ANKRD11: variants seen among roughly 807,000 people sequenced by gnomAD.
ANKRD11 encodes ankyrin repeat domain 11, also known as ankyrin repeat domain-containing protein 11.
In ANKRD11, 17 loss-of-function variants were observed where a neutral mutation model predicts 195.7. The observed-to-expected ratio is 0.09, with a 90% CI of 0.06 to 0.13. The LOEUF (loss-of-function observed/expected upper bound fraction) is 0.13, where lower values mean the gene tolerates loss of function less well. ANKRD11 is among the 10% of genes least tolerant of loss of function. The pLI is 1.00. For missense variants in ANKRD11, 3,735 were observed against 3,566.1 expected (o/e 1.05, Z -1.21); for synonymous variants, 1,953 against 1,528.1 (o/e 1.28, Z -6.49).
At chr16:89,475,939 C>G (rs1373199989) in intron 1 of ANKRD11, among the ~76,000 whole-genome samples, 1 of 151,650 alleles carries the variant, frequency 6.6e-6, no homozygotes, top group Non-Finnish European at 1.5e-5. Context: ...GTAGTCCCAG[C>G]TACTTGGGAG....
intron 1 of ANKRD11, among the ~76,000 whole-genome samples, chr16:89,419,225 G>A (rs919710645): frequency 2.0e-5 from 3 of 151,988 alleles, no homozygotes; most frequent in African/African-American, 7.2e-5. Context: ...GCCGAGGTGG[G>A]CGGATCACTT....
chr16:89,290,255 G>A (rs543811646), intron 6 of ANKRD11, among the ~76,000 whole-genome samples: 27 of 103,602 alleles, frequency 2.6e-4, no homozygotes, highest in African/African-American at 9.7e-4. Context: ...CGGGGGGTAG[G>A]CTCAGGGCTC....
intron 3 of ANKRD11, among the ~76,000 whole-genome samples, chr16:89,315,063 G>A (rs1211815786): frequency 6.6e-6 from 1 of 152,122 alleles, no homozygotes; most frequent in East Asian, 1.9e-4. Context: ...GTGTGAACAT[G>A]ACAGGTTTTT....
intron 1 of ANKRD11, among the ~76,000 whole-genome samples, chr16:89,462,070 CTCTCCCT>C (rs2056694898): frequency 1.0e-5 from 1 of 99,894 alleles, no homozygotes; most frequent in Non-Finnish European, 2.3e-5. Context: ...CCCTCTCTCC[CTCTCCCT>C]CTCCCCATGG....
chr16:89,485,077 G>T (rs1482230613), intron 1 of ANKRD11, among the ~76,000 whole-genome samples: 3 of 115,082 alleles, frequency 2.6e-5, no homozygotes, highest in Admixed American at 9.0e-5. Context: ...CACTCAACAG[G>T]ATTCGGTCCT....
At chr16:89,441,617 A>G (rs1282731838) in intron 1 of ANKRD11, among the ~76,000 whole-genome samples, 1 of 151,744 alleles carries the variant, frequency 6.6e-6, no homozygotes, top group Non-Finnish European at 1.5e-5. Context: ...AATACAAAAA[A>G]TTAGCTGGGT....
chr16:89,295,985 C>T lies in ANKRD11; in HGVS notation c.227-4802G>A, dbSNP rs1280479878. 9.3e-4 allele frequency among the ~76,000 whole-genome samples: 42 copies of T among 45,142 alleles called. 1 individual carries two copies. Among genetic ancestry groups the T allele is most frequent in the East Asian group, 2.6e-3 (4 of 1,530 alleles). The allele number at this position is 45,142 out of a possible 152,430, so 29.6% of individuals were successfully genotyped here. On this transcript the variant is annotated intron_variant, in intron 4 of 12. Coordinates refer to ENST00000301030, the MANE Select transcript of ANKRD11 (RefSeq NM_013275.6). Reference sequence around the variant, plus strand: ...GGGAGTGTCTTCTCTATCTGGCTGCCTTTTTTTTTTTTTTTTTTTTTGAGA... The same window carrying T: ...GGGAGTGTCTTCTCTATCTGGCTGCTTTTTTTTTTTTTTTTTTTTTTGAGA...
At chr16:89,354,185 T>C (rs1268328937) in intron 2 of ANKRD11, among the ~76,000 whole-genome samples, 1 of 151,100 alleles carries the variant, frequency 6.6e-6, no homozygotes, top group Non-Finnish European at 1.5e-5. Flanking sequence ...CATTCAAATC[T>C]TCCAAGGCAC....
intron 1 of ANKRD11, among the ~76,000 whole-genome samples, chr16:89,482,899 CAAG>C (rs1031822495): frequency 6.1e-4 from 93 of 152,334 alleles, no homozygotes; most frequent in African/African-American, 2.1e-3. Flanking sequence ...ACGGAAAAGA[CAAG>C]AACACAGATT....
chr16:89,364,725 C>T (rs1189696123), intron 2 of ANKRD11, among the ~76,000 whole-genome samples: 6 of 152,212 alleles, frequency 3.9e-5, no homozygotes, highest in South Asian at 2.1e-4. Context: ...CCATGGGCCG[C>T]GGGCTGGACA....
At chr16:89,298,530 C>T (rs145106341) in intron 4 of ANKRD11, among the ~76,000 whole-genome samples, 4 of 152,326 alleles carry the variant, frequency 2.6e-5, no homozygotes, top group Non-Finnish European at 5.9e-5. Context: ...AGGTAGCAGA[C>T]GGCCCCTGCC....
At chr16:89,333,658 C>T (rs901750155) in intron 2 of ANKRD11, among the ~76,000 whole-genome samples, 31 of 152,218 alleles carry the variant, frequency 2.0e-4, no homozygotes, top group African/African-American at 6.8e-4. Context: ...TCAGGCCTGG[C>T]AGCTCGTCTG....
At chr16:89,408,551 G>A (rs778791341) in intron 2 of ANKRD11, among the ~76,000 whole-genome samples, 6 of 152,226 alleles carry the variant, frequency 3.9e-5, no homozygotes, top group Non-Finnish European at 7.3e-5. Flanking sequence ...GTAACAGCCA[G>A]TGCCCAGGCT....
chr16:89,425,424 G>C (rs189661760), intron 1 of ANKRD11, among the ~76,000 whole-genome samples: 1 of 152,074 alleles, frequency 6.6e-6, no homozygotes, highest in Non-Finnish European at 1.5e-5. Flanking sequence ...GACTTAAAGG[G>C]AACACTAAAG....
chr16:89,392,505 A>T (rs1444758425), intron 2 of ANKRD11: 4 of 152,118 alleles, frequency 2.6e-5, no homozygotes, highest in Non-Finnish European at 4.4e-5. Flanking sequence ...TGGGTCTGCC[A>T]GTTCATGTTT....
At chr16:89,329,400 A>C (rs541840216) in intron 2 of ANKRD11, among the ~76,000 whole-genome samples, 2 of 152,050 alleles carry the variant, frequency 1.3e-5, no homozygotes, top group African/African-American at 4.8e-5. Context: ...AGAAAAAAGG[A>C]AAAAAAAGGG....
intron 2 of ANKRD11, among the ~76,000 whole-genome samples, chr16:89,349,630 C>G (rs1054188960): frequency 6.6e-6 from 1 of 152,058 alleles, no homozygotes; most frequent in African/African-American, 2.4e-5. Context: ...CTAACCTTAC[C>G]TTATGCCATA....
At position 89,399,632 on chromosome 16, in the gene ANKRD11, G is replaced by C. The variant is rs564674741; in HGVS notation, c.-60+18652C>G. On this transcript the variant is annotated intron_variant, in intron 2 of 12. Coordinates refer to ENST00000301030, the MANE Select transcript of ANKRD11 (RefSeq NM_013275.6). ...TCCAACCATAGACTGCACAGCACCC[G>C]GTGGACCCTGAGGTCGTGCGGCCTG... is the stretch of plus-strand genomic sequence containing the variant. 2.6e-5 allele frequency among the ~76,000 whole-genome samples: 4 copies of C among 152,266 alleles called. No individual in the cohort carries two copies. In the South Asian group the frequency reaches 8.3e-4, roughly 32 times the overall value.
intron 7 of ANKRD11, chr16:89,286,599 G>T: frequency 8.8e-7 from 1 of 1,133,312 alleles, no homozygotes; most frequent in Non-Finnish European, 1.1e-6. Context: ...CAGGCAAGAG[G>T]TTAGGGAGAA....
Sources: allele counts gnomAD v4.1 joint callset (sites outside exome capture counted in the v4.1 genomes callset), GRCh38; gene constraint gnomAD v4.1.1; transcripts MANE v1.5; gene names NCBI Gene and HGNC (gene_info 2026-07-23, HGNC 2026-07-21).